SNX29: variants seen among roughly 807,000 people sequenced by gnomAD.
SNX29 encodes the protein sorting nexin-29.
SNX29 carries 78 observed loss-of-function variants against 102.1 expected under a neutral mutation model. The ratio of observed to expected loss-of-function variants is 0.76; its 90% CI spans 0.64 to 0.92. The LOEUF (loss-of-function observed/expected upper bound fraction) is 0.92. SNX29 is among the 40% of genes least tolerant of loss of function. The pLI is 0.00. For missense variants in SNX29, 1,280 were observed against 1,061.7 expected (o/e 1.21, Z -2.86); for synonymous variants, 580 against 414.5 (o/e 1.40, Z -4.85).
At chr16:12,314,490 G>A (rs2080667643) in intron 15 of SNX29, among the ~76,000 whole-genome samples, 3 of 152,174 alleles carry the variant, frequency 2.0e-5, no homozygotes, top group African/African-American at 7.2e-5. Context: ...GCCTTTCTCT[G>A]TCTCATTTTA....
At chr16:12,563,263 C>T (rs964350987) in intron 20 of SNX29, among the ~76,000 whole-genome samples, 1 of 152,112 alleles carries the variant, frequency 6.6e-6, no homozygotes, top group Non-Finnish European at 1.5e-5. Context: ...GCCCAGGTAG[C>T]AGAGGAACGT....
chr16:12,526,146 G>T (rs1356256850), intron 20 of SNX29, among the ~76,000 whole-genome samples: 2 of 152,230 alleles, frequency 1.3e-5, no homozygotes, highest in Non-Finnish European at 2.9e-5. Flanking sequence ...TTCTGGGTCG[G>T]TGTGATTTGT....
chr16:12,549,856 T>G (rs1268570978), intron 20 of SNX29, among the ~76,000 whole-genome samples: 1 of 152,220 alleles, frequency 6.6e-6, no homozygotes, highest in Non-Finnish European at 1.5e-5. Context: ...ATGACTGTGG[T>G]GAAACAGCCA....
In SNX29 at chr16:12,453,713, A is replaced by G. The variant is rs60668560; in HGVS notation, c.2038-24006A>G. Among the ~76,000 whole-genome samples, 679 of 152,284 alleles carry G rather than the reference A, an allele frequency of 4.5e-3. 8 individuals are homozygous for G. Among genetic ancestry groups the G allele is most frequent in the African/African-American group, 0.016 (646 of 41,544 alleles). ...TTGTTCCTTTTCTTGCTTTTTGCAT[A>G]AAAGTTACCCTTCAAAGACTGCAGT... On this transcript the variant is annotated intron_variant, in intron 18 of 20. Coordinates refer to ENST00000566228, the MANE Select transcript of SNX29 (RefSeq NM_032167.5).
intron 1 of SNX29, among the ~76,000 whole-genome samples, chr16:11,991,958 G>A (rs2055871420): frequency 6.6e-6 from 1 of 152,000 alleles, no homozygotes; most frequent in African/African-American, 2.4e-5. Flanking sequence ...CCTTAGAATA[G>A]GAACATTTTC....
intron 11 of SNX29, among the ~76,000 whole-genome samples, chr16:12,083,107 C>A (rs969426564): frequency 2.0e-5 from 3 of 152,124 alleles, no homozygotes; most frequent in African/African-American, 7.2e-5. Flanking sequence ...GAGTTCAAAA[C>A]CAGCCTGGCC....
chr16:12,520,828 T>C (rs533434493), intron 19 of SNX29, among the ~76,000 whole-genome samples: 6 of 152,068 alleles, frequency 3.9e-5, no homozygotes, highest in Non-Finnish European at 7.4e-5. Context: ...AGGTGAGGGA[T>C]AAATGACCGC....
intron 19 of SNX29, among the ~76,000 whole-genome samples, chr16:12,496,733 A>G (rs1224722259): frequency 6.6e-6 from 1 of 151,250 alleles, no homozygotes; most frequent in African/African-American, 2.4e-5. Flanking sequence ...CCGATCTCGA[A>G]CTCCTAACCT....
chr16:12,518,274 T>C (rs1424009900), intron 19 of SNX29, among the ~76,000 whole-genome samples: 4 of 152,308 alleles, frequency 2.6e-5, no homozygotes, highest in East Asian at 1.9e-4. Context: ...GTTGGCTTTG[T>C]TCACTGGTCT....
intron 14 of SNX29, among the ~76,000 whole-genome samples, chr16:12,219,122 C>G (rs1462288325): frequency 6.6e-6 from 1 of 152,184 alleles, no homozygotes; most frequent in Admixed American, 6.5e-5. Flanking sequence ...TAAGCTGTCT[C>G]CTTATATCCT....
rs2079219026 is a variant in SNX29 at position 12,572,940 on chromosome 16, T to C, written c.*4311T>C. 1.3e-6 allele frequency: 1 copy of C among 785,382 alleles called. No individual in the cohort carries two copies. The highest frequency in any genetic ancestry group is 5.4e-5 in the East Asian group (1 of 18,604). The allele number at this position is 785,382 out of a possible 1,614,324, so 48.7% of individuals were successfully genotyped here. On this transcript the variant is annotated 3_prime_UTR_variant, in exon 21 of 21. Coordinates refer to ENST00000566228, the MANE Select transcript of SNX29 (RefSeq NM_032167.5). Reference sequence around the variant, plus strand: ...TTGGAGTGTTTCTTCAAGGCAGGCATCTGCTTATGAGCAAGGTCAAAGATT... The same window carrying C: ...TTGGAGTGTTTCTTCAAGGCAGGCACCTGCTTATGAGCAAGGTCAAAGATT...
chr16:12,519,152 A>G (rs576945760), intron 19 of SNX29, among the ~76,000 whole-genome samples: 1 of 152,318 alleles, frequency 6.6e-6, no homozygotes, highest in South Asian at 2.1e-4. Context: ...TCTGGGTTTT[A>G]TGCAGAAATC....
chr16:12,528,720 A>G lies in SNX29; in HGVS notation c.2318+3879A>G, dbSNP rs553539379. Among the ~76,000 whole-genome samples the G allele has an allele frequency of 1.5e-3, 222 of 152,218 alleles. 1 individual carries two copies. Among genetic ancestry groups the G allele is most frequent in the Non-Finnish European group, 1.7e-3 (117 of 68,006 alleles). On this transcript the variant is annotated intron_variant, in intron 20 of 20. Coordinates refer to ENST00000566228, the MANE Select transcript of SNX29 (RefSeq NM_032167.5). ...GAGTTTGCAGTCCTGGCTCTTCTCC[A>G]CTGCTCCCACGGCCCCTCCATTTGA...
chr16:12,048,013 C>G (rs1256871441), intron 6 of SNX29, among the ~76,000 whole-genome samples: 7 of 152,078 alleles, frequency 4.6e-5, no homozygotes. Context: ...CCCAGGCAGC[C>G]TGATCCCGGA....
In SNX29 at chr16:12,176,404, C is replaced by G. The variant is rs1272572347; in HGVS notation, c.1596-23197C>G. ...ATGTGAAATGGGAATAGTGAATGTTCCAGAAACTATGTCTAGTCAGTCCTC... is the reference window on the plus strand; with the variant it reads ...ATGTGAAATGGGAATAGTGAATGTTGCAGAAACTATGTCTAGTCAGTCCTC... On this transcript the variant is annotated intron_variant, in intron 13 of 20. Transcript: ENST00000566228. Among the ~76,000 whole-genome samples the G allele has an allele frequency of 2.0e-5, 3 of 152,118 alleles. No individual in the cohort carries two copies. The East Asian group carries it at 5.8e-4, about 29-fold the overall frequency.
At chr16:12,243,357 T>G (rs1036941057) in intron 14 of SNX29, among the ~76,000 whole-genome samples, 4 of 152,376 alleles carry the variant, frequency 2.6e-5, no homozygotes, top group Middle Eastern at 6.8e-3. Flanking sequence ...GTGCCACTTT[T>G]GTTCTGCTGC....
chr16:12,320,822 T>C (rs528578326), intron 15 of SNX29, among the ~76,000 whole-genome samples: 64 of 152,348 alleles, frequency 4.2e-4, no homozygotes, highest in African/African-American at 1.5e-3. Flanking sequence ...GTTCCAATTC[T>C]TTAGATGAAA....
rs1322095804 is a variant in SNX29 at position 12,349,056 on chromosome 16, C to T, written c.1783-7107C>T. Among the ~76,000 whole-genome samples the T allele has an allele frequency of 2.6e-5, 4 of 152,192 alleles. No individual in the cohort carries two copies. The East Asian group carries it at 7.7e-4, about 29-fold the overall frequency. ...CCTCCCGGTAGAGGAGCAGAGAGCG[C>T]TGAATTAAAAGCAGGAAGCTTGGTG... On this transcript the variant is annotated intron_variant, in intron 15 of 20. Coordinates refer to ENST00000566228, the MANE Select transcript of SNX29 (RefSeq NM_032167.5).
chr16:12,429,435 C>T (rs1399282258), intron 18 of SNX29, among the ~76,000 whole-genome samples: 1 of 152,096 alleles, frequency 6.6e-6, no homozygotes, highest in Non-Finnish European at 1.5e-5. Context: ...TCTTTTTCCT[C>T]TAAGAGACAG....
Sources: gnomAD v4.1 joint callset for allele counts (sites outside exome capture counted in the v4.1 genomes callset) on GRCh38, gnomAD v4.1.1 for gene constraint, MANE v1.5 for transcripts, NCBI Gene and HGNC (gene_info 2026-07-23, HGNC 2026-07-21) for gene names.